The following COL21A1 variants were observed in gnomAD, a reference collection of about 807,000 sequenced individuals.
COL21A1 encodes the protein collagen type XXI alpha 1 chain, also known as collagen alpha-1(XXI) chain.
In COL21A1, 149 loss-of-function variants were observed where a neutral mutation model predicts 137.9. The ratio of observed to expected loss-of-function variants is 1.08; its 90% CI spans 0.95 to 1.24. The LOEUF (loss-of-function observed/expected upper bound fraction) is 1.24, where lower values mean the gene tolerates loss of function less well. Among genes scored for constraint, COL21A1 ranks in the 50% most tolerant of loss-of-function variants. COL21A1 has a pLI of 0.00. For synonymous variants in COL21A1, 456 were observed against 391.5 expected (o/e 1.16, Z -1.95); for missense variants, 1,167 against 1,158.4 (o/e 1.01, Z -0.11).
intron 1 of COL21A1, among the ~76,000 whole-genome samples, chr6:56,388,498 A>G (rs1208856317): frequency 6.6e-6 from 1 of 152,236 alleles, no homozygotes; most frequent in East Asian, 1.9e-4. Flanking sequence ...AAGTCAACCA[A>G]TGCTGTCCAA....
intron 1 of COL21A1, among the ~76,000 whole-genome samples, chr6:56,258,918 G>T (rs1458521785): frequency 6.6e-6 from 1 of 152,122 alleles, no homozygotes; most frequent in East Asian, 1.9e-4. Context: ...TTTGAGAGCT[G>T]CTGCATACAA....
At chr6:56,186,285 G>C (rs1477841258) in intron 1 of COL21A1, among the ~76,000 whole-genome samples, 2 of 152,080 alleles carry the variant, frequency 1.3e-5, no homozygotes, top group Non-Finnish European at 2.9e-5. Flanking sequence ...AGCATCAAAA[G>C]TTCCTAACAA....
At chr6:56,331,458 G>A (rs1402948354) in intron 1 of COL21A1, among the ~76,000 whole-genome samples, 1 of 151,822 alleles carries the variant, frequency 6.6e-6, no homozygotes, top group Admixed American at 6.6e-5. Flanking sequence ...TTTTTTATAT[G>A]GTGAAAGATG....
chr6:56,319,130 C>T (rs941964552), intron 1 of COL21A1, among the ~76,000 whole-genome samples: 2 of 152,162 alleles, frequency 1.3e-5, no homozygotes, highest in African/African-American at 2.4e-5. Context: ...TGGGACATCG[C>T]CCTCCTTTAC....
At chr6:56,254,573 C>T (rs1365450118) in intron 1 of COL21A1, among the ~76,000 whole-genome samples, 2 of 152,120 alleles carry the variant, frequency 1.3e-5, no homozygotes, top group Non-Finnish European at 2.9e-5. Context: ...TTGAAGTTAA[C>T]TTATCAATAC....
intron 16 of COL21A1, among the ~76,000 whole-genome samples, chr6:56,106,784 A>G (rs1021075005): frequency 9.3e-5 from 14 of 150,742 alleles, no homozygotes; most frequent in African/African-American, 3.2e-4. Context: ...ATTAACAAAC[A>G]TTATACAAGT....
intron 17 of COL21A1, among the ~76,000 whole-genome samples, chr6:56,088,170 C>T (rs1768436731): frequency 6.6e-6 from 1 of 152,104 alleles, no homozygotes; most frequent in Non-Finnish European, 1.5e-5. Flanking sequence ...TCAAGACCAG[C>T]CTGGCCAACA....
intron 12 of COL21A1, chr6:56,126,636 GA>G (rs1773069238): frequency 6.6e-6 from 1 of 152,248 alleles, no homozygotes; most frequent in Non-Finnish European, 1.5e-5. Flanking sequence ...ATGTGTCTAT[GA>G]ACATGAAGGC....
chr6:56,108,199 A>C (rs918744202), intron 16 of COL21A1, among the ~76,000 whole-genome samples: 1 of 152,036 alleles, frequency 6.6e-6, no homozygotes, highest in Non-Finnish European at 1.5e-5. Context: ...TATAGTCAGT[A>C]TAGCATAATT....
chr6:56,251,845 A>T (rs939085910), upstream of COL21A1, among the ~76,000 whole-genome samples: 1 of 152,208 alleles, frequency 6.6e-6, no homozygotes, highest in Non-Finnish European at 1.5e-5. Context: ...TAGCAGTCCT[A>T]TGTAAATGCA....
At chr6:56,067,493 C>G (rs887017798) in intron 22 of COL21A1, among the ~76,000 whole-genome samples, 163 bp from the exon 23 acceptor site, 2 of 151,826 alleles carry the variant, frequency 1.3e-5, no homozygotes, top group Non-Finnish European at 3.0e-5. Flanking sequence ...GGGAAGGGAG[C>G]AGAACCACAT....
chr6:56,191,180 T>C (rs9475603), intron 1 of COL21A1, among the ~76,000 whole-genome samples: 2,036 of 152,286 alleles, frequency 0.013, 46 homozygotes, highest in African/African-American at 0.046. Context: ...AGTTTGCAGA[T>C]GACAAGATTG....
At chr6:56,115,810 A>C (rs796511080) in intron 16 of COL21A1, among the ~76,000 whole-genome samples, 13 of 152,260 alleles carry the variant, frequency 8.5e-5, no homozygotes, top group African/African-American at 3.1e-4. Flanking sequence ...ATATTAGATA[A>C]ATTTCACAAA....
intron 1 of COL21A1, among the ~76,000 whole-genome samples, chr6:56,188,062 G>A (rs1324386988): frequency 6.6e-6 from 1 of 152,064 alleles, no homozygotes; most frequent in Non-Finnish European, 1.5e-5. Flanking sequence ...TAGCCATCAG[G>A]GAAATGCACA....
At chr6:56,217,550 T>C (rs1040689283) in intron 1 of COL21A1, among the ~76,000 whole-genome samples, 4 of 152,200 alleles carry the variant, frequency 2.6e-5, no homozygotes, top group Non-Finnish European at 5.9e-5. Context: ...CCCAATTTCA[T>C]TGTTTAGCAG....
intron 1 of COL21A1, among the ~76,000 whole-genome samples, chr6:56,334,406 C>A (rs746241356): frequency 1.3e-5 from 2 of 152,102 alleles, no homozygotes; most frequent in Non-Finnish European, 2.9e-5. Flanking sequence ...CTTTTGCACA[C>A]TTTAGCTTAG....
chr6:56,334,615 G>A (rs1309287091), intron 1 of COL21A1, among the ~76,000 whole-genome samples: 2 of 152,120 alleles, frequency 1.3e-5, no homozygotes, highest in Non-Finnish European at 2.9e-5. Flanking sequence ...TTATAATTCA[G>A]TAAATTATAG....
intron 23 of COL21A1, 102 bp downstream of exon 23, chr6:56,067,193 T>C: frequency 2.1e-6 from 2 of 971,932 alleles, no homozygotes; most frequent in South Asian, 1.9e-5. Context: ...TTAACAACTT[T>C]ATATTAATGT....
intron 1 of COL21A1, among the ~76,000 whole-genome samples, chr6:56,284,914 C>A (rs1763869074): frequency 6.6e-6 from 1 of 152,188 alleles, no homozygotes; most frequent in African/African-American, 2.4e-5. Flanking sequence ...TTTGAACCAA[C>A]TAAATTAGAC....
Sources: gnomAD v4.1 joint callset for allele counts (sites outside exome capture counted in the v4.1 genomes callset) on GRCh38, gnomAD v4.1.1 for gene constraint, MANE v1.5 for transcripts, NCBI Gene and HGNC (gene_info 2026-07-23, HGNC 2026-07-21) for gene names.